The following PREX1 variants were observed in gnomAD, a reference collection of about 807,000 sequenced individuals.
PREX1 encodes phosphatidylinositol 3,4,5-trisphosphate-dependent Rac exchanger 1 protein.
A neutral mutation model predicts 198.3 loss-of-function variants in PREX1; 41 were observed. The observed-to-expected ratio is 0.21, with a 90% CI of 0.16 to 0.27. The LOEUF is 0.27. Ranked by LOEUF, PREX1 falls within the 10% of genes least tolerant of loss-of-function variation. The pLI, the probability that PREX1 is intolerant of heterozygous loss-of-function variation, is 1.00. For synonymous variants in PREX1, 843 were observed against 887.2 expected (o/e 0.95, Z 0.89); for missense variants, 1,620 against 2,200.7 (o/e 0.74, Z 5.28).
rs1601046619 is a variant in PREX1 at position 48,652,666 on chromosome 20, T to G, written c.2387A>C (p.Gln796Pro). ...GGCCTCCTGACTGGCTCGTGCTTCC[T>G]GGGCATCCTCATGGGTGTGGTAGAT... is the stretch of plus-strand genomic sequence containing the variant. Reference protein sequence around the residue: ...QWIYHTHEDAQEARASQEAST... With the variant: ...QWIYHTHEDAPEARASQEAST... The change falls in exon 21 of 40, where the codon CAG becomes CCG. Residue 796 changes from glutamine to proline, a missense_variant. Physicochemically the swap from Gln to Pro is moderately conservative, Grantham distance 76 (BLOSUM62 -1). Coordinates refer to ENST00000371941, the MANE Select transcript of PREX1 (RefSeq NM_020820.4). 1 of 1,613,652 alleles carries G rather than the reference T, an allele frequency of 6.2e-7. No homozygotes were observed. The highest frequency in any genetic ancestry group is 1.1e-5 in the South Asian group (1 of 91,010).
intron 3 of PREX1, among the ~76,000 whole-genome samples, chr20:48,735,420 G>A (rs1347965064): frequency 6.6e-6 from 1 of 152,110 alleles, no homozygotes; most frequent in Non-Finnish European, 1.5e-5. Flanking sequence ...CCTTCCGATG[G>A]GAGGCTGCAG....
chr20:48,854,987 A>G, the PREX1 span, among the ~76,000 whole-genome samples: 1 of 152,180 alleles, frequency 6.6e-6, no homozygotes, highest in Non-Finnish European at 1.5e-5. Flanking sequence ...TAAAATGAGG[A>G]TCATCACAAC....
the PREX1 span, among the ~76,000 whole-genome samples, chr20:48,843,461 T>A: frequency 6.6e-6 from 1 of 152,140 alleles, no homozygotes; most frequent in South Asian, 2.1e-4. Flanking sequence ...GAGAAATAAA[T>A]GCTGGCTAGG....
chr20:48,763,273 C>T (rs1184883517), intron 1 of PREX1, among the ~76,000 whole-genome samples: 1 of 152,256 alleles, frequency 6.6e-6, no homozygotes, highest in African/African-American at 2.4e-5. Context: ...CACCAGCCCT[C>T]GCCCATCTGG....
At chr20:48,775,397 C>A (rs1219592282) in intron 1 of PREX1, among the ~76,000 whole-genome samples, 1 of 151,934 alleles carries the variant, frequency 6.6e-6, no homozygotes, top group Non-Finnish European at 1.5e-5. Context: ...CCAGCTGAGA[C>A]CCAGATGAGG....
At chr20:48,644,817 C>T (rs1322847679) in intron 26 of PREX1, among the ~76,000 whole-genome samples, 1 of 152,232 alleles carries the variant, frequency 6.6e-6, no homozygotes, top group Non-Finnish European at 1.5e-5. Flanking sequence ...CCTGAGACAC[C>T]TGCCCATTCC....
the PREX1 span, among the ~76,000 whole-genome samples, chr20:48,853,511 C>A: frequency 6.6e-6 from 1 of 152,132 alleles, no homozygotes; most frequent in East Asian, 1.9e-4. Context: ...TGGGGGGAAC[C>A]ACCCCCATGA....
rs1426879529 is a variant in PREX1 at position 48,653,636 on chromosome 20, C to G, written c.2210-139G>C. The G allele has an allele frequency of 4.8e-6, 5 of 1,035,480 alleles. No homozygotes were observed. In the South Asian group the frequency reaches 8.1e-5, roughly 17 times the overall value. The allele number at this position is 1,035,480 out of a possible 1,614,324, so 64.1% of individuals were successfully genotyped here. A position where few individuals can be genotyped will look rare whatever the true frequency, so the allele number is the denominator to read the frequency against. Reference sequence around the variant, plus strand: ...TCCACCCCTCCCACCCCAGAGCCGCCCTCTGACACTCCAGTGCAAAGAATG... The same window carrying G: ...TCCACCCCTCCCACCCCAGAGCCGCGCTCTGACACTCCAGTGCAAAGAATG... On this transcript the variant is annotated intron_variant, in intron 19 of 39. Coordinates refer to ENST00000371941, the MANE Select transcript of PREX1 (RefSeq NM_020820.4).
At chr20:48,718,969 C>T (rs973953164) in intron 5 of PREX1, among the ~76,000 whole-genome samples, 1 of 152,206 alleles carries the variant, frequency 6.6e-6, no homozygotes, top group Non-Finnish European at 1.5e-5. Flanking sequence ...ATTTGAGTCA[C>T]CAACATTTAA....
intron 1 of PREX1, among the ~76,000 whole-genome samples, chr20:48,774,968 C>T (rs1162834396): frequency 1.3e-5 from 2 of 152,222 alleles, no homozygotes; most frequent in East Asian, 1.9e-4. Context: ...CACTACCCTC[C>T]GAAAAGAGAA....
At chr20:48,865,209 A>G in the PREX1 span, among the ~76,000 whole-genome samples, 1 of 152,338 alleles carries the variant, frequency 6.6e-6, no homozygotes, top group South Asian at 2.1e-4. Flanking sequence ...GTCATCAACT[A>G]CCAAGTTTTA....
Position 48,747,808 on chromosome 20 carries a change from C to A in PREX1, c.291+1G>T. On this transcript the variant is annotated splice_donor_variant, in intron 2 of 39. Coordinates refer to ENST00000371941, the MANE Select transcript of PREX1 (RefSeq NM_020820.4). LOFTEE classifies it high-confidence loss of function. ...ACAGGGGCCAGCCCCAGCGTCCACA[C>A]CTTGACATTCTCCTCCGTGAGGCCC... The A allele has an allele frequency of 6.2e-7, 1 of 1,612,522 alleles. No homozygotes were observed. Among genetic ancestry groups the A allele is most frequent in the African/African-American group, 1.3e-5 (1 of 75,028 alleles).
At chr20:48,873,554 C>CAA in the PREX1 span, among the ~76,000 whole-genome samples, 94 of 70,082 alleles carry the variant, frequency 1.3e-3, no homozygotes, top group South Asian at 2.6e-3. Flanking sequence ...AGTAAAAATA[C>CAA]AAAAAAAAAA....
At chr20:48,771,710 C>T (rs576580752) in intron 1 of PREX1, among the ~76,000 whole-genome samples, 1 of 152,130 alleles carries the variant, frequency 6.6e-6, no homozygotes. Flanking sequence ...AGGAGGAACC[C>T]GAGGCCCAGC....
chr20:48,661,402 A>T (rs1456997497), intron 15 of PREX1, among the ~76,000 whole-genome samples: 1 of 131,134 alleles, frequency 7.6e-6, no homozygotes, highest in Non-Finnish European at 1.6e-5. Context: ...ATGGGCAACA[A>T]GAGCAAAACT....
At position 48,625,927 on chromosome 20, in the gene PREX1, G is replaced by A. The variant is rs750474430; in HGVS notation, c.4938C>T (p.Arg1646=). The A allele has an allele frequency of 1.4e-5, 21 of 1,554,750 alleles. No individual in the cohort carries two copies. Among genetic ancestry groups the A allele is most frequent in the African/African-American group, 2.8e-5 (2 of 71,026 alleles). The change falls in exon 40 of 40, where the codon CGC becomes CGT. Residue 1646 remains arginine, a splice_region_variant and synonymous_variant. Coordinates refer to ENST00000371941, the MANE Select transcript of PREX1 (RefSeq NM_020820.4). ...CCGGCGGCTGGCAGAGGCGGTAGAGGCTGGGGATGGAGGCAAAGAGAATGA... is the reference window on the plus strand; with the variant it reads ...CCGGCGGCTGGCAGAGGCGGTAGAGACTGGGGATGGAGGCAAAGAGAATGA... ...VKDQMPQGAP[R]LYRLCQPPVD... is the part of the protein sequence containing the mutation.
At chr20:48,805,644 C>T (rs1247709652) in intron 1 of PREX1, among the ~76,000 whole-genome samples, 1 of 152,184 alleles carries the variant, frequency 6.6e-6, no homozygotes, top group African/African-American at 2.4e-5. Flanking sequence ...CGGGGGCTCC[C>T]TTCTTCCTGG....
chr20:48,860,449 C>T, the PREX1 span, among the ~76,000 whole-genome samples: 22 of 152,268 alleles, frequency 1.4e-4, no homozygotes, highest in Admixed American at 7.8e-4. Flanking sequence ...TGGACGGTGG[C>T]GAAGGTTGCA....
chr20:48,762,838 G>T (rs2090188961), intron 1 of PREX1, among the ~76,000 whole-genome samples: 1 of 152,082 alleles, frequency 6.6e-6, no homozygotes. Context: ...AAGTAGCTGG[G>T]ATTACAGGTG....
Sources: gnomAD v4.1 joint callset for allele counts (sites outside exome capture counted in the v4.1 genomes callset) on GRCh38, gnomAD v4.1.1 for gene constraint, MANE v1.5 for transcripts, NCBI Gene and HGNC (gene_info 2026-07-23, HGNC 2026-07-21) for gene names.